The following PKD1 variants were observed in gnomAD, a reference collection of about 807,000 sequenced individuals.
PKD1 encodes the protein polycystin-1.
PKD1 carries 81 observed loss-of-function variants against 361.7 expected under a neutral mutation model. The ratio of observed to expected loss-of-function variants is 0.22; its 90% confidence interval spans 0.19 to 0.27. PKD1 has a LOEUF of 0.27. Among genes scored for constraint, PKD1 ranks in the 10% least tolerant of loss-of-function variants. The pLI is 1.00. For missense variants in PKD1, 6,399 were observed against 6,118.3 expected (o/e 1.05, Z -1.53); for synonymous variants, 3,615 against 2,818.3 (o/e 1.28, Z -8.95).
At chr16:2,092,792 G>T in intron 38 of PKD1, 162 bp downstream of exon 38, 1 of 917,080 alleles carries the variant, frequency 1.1e-6, no homozygotes, top group Non-Finnish European at 1.8e-6. Context: ...GCAAGACACG[G>T]ACCTGTGTCC....
Position 2,091,173 on chromosome 16 carries a change from A to G in PKD1, c.11714T>C (p.Val3905Ala). 1.4e-6 allele frequency: 2 copies of G among 1,417,952 alleles called. No homozygotes were observed. Among genetic ancestry groups the G allele is most frequent in the South Asian group, 1.4e-5 (1 of 71,238 alleles). The allele number at this position is 1,417,952 out of a possible 1,614,324, so 87.8% of individuals were successfully genotyped here. A position where few individuals can be genotyped will look rare whatever the true frequency, so the allele number is the denominator to read the frequency against. Residue 3905 changes from valine (V) to alanine (A), a missense_variant and splice_region_variant, in exon 43 of 46, where the codon GTG (valine) becomes GCG (alanine). Transcript: ENST00000262304. ...GTGCACGGCGAACAGCAGCAGGCAC[A>G]CCTGTGGGGGGCGCGGTCAGGAGGG... ...AGLSLPLLTS[V>A]CLLLFAVHFA...
At chr16:2,092,017 G>C (rs770380793) in intron 40 of PKD1, 30 bp downstream of exon 40, 2 of 1,612,442 alleles carry the variant, frequency 1.2e-6, no homozygotes, top group Admixed American at 1.7e-5. Context: ...TGTCCTTGGC[G>C]TAGACGCCCG....
intron 15 of PKD1, 38 bp from the exon 16 acceptor site, chr16:2,108,070 C>G (rs1300585381): frequency 1.5e-5 from 24 of 1,585,850 alleles, no homozygotes; most frequent in Non-Finnish European, 2.0e-5. Flanking sequence ...GGCCTGAGAG[C>G]CCCATCCAGT....
Position 2,102,920 on chromosome 16 carries a change from A to C in PKD1, c.8842T>G (p.Ser2948Ala), listed in dbSNP as rs1171728864. 1.6e-5 allele frequency: 25 copies of C among 1,609,224 alleles called. No individual in the cohort carries two copies. The highest frequency in any genetic ancestry group is 2.1e-5 in the Non-Finnish European group (25 of 1,179,734). Residue 2948 changes from serine (S) to alanine (A), a missense_variant, in exon 24 of 46, where the codon TCG becomes GCG. Ser to Ala is a moderately conservative substitution (Grantham distance 99). Coordinates refer to ENST00000262304, the MANE Select transcript of PKD1 (RefSeq NM_001009944.3). Reference sequence around the variant, plus strand: ...TTGTGCTCATTGGGCCGGGGCTCCGAGTGTAGGTAGACTGCCAGGTAGGGC... The same window carrying C: ...TTGTGCTCATTGGGCCGGGGCTCCGCGTGTAGGTAGACTGCCAGGTAGGGC... ...PEPYLAVYLH[S>A]EPRPNEHNCS...
At chr16:2,116,308 C>G (rs995891525) in intron 8 of PKD1, 190 bp from the exon 9 acceptor site, 1 of 697,220 alleles carries the variant, frequency 1.4e-6, no homozygotes, top group Non-Finnish European at 2.5e-6. Context: ...GACCCCTGAC[C>G]TGCCTTTCAG....
In PKD1 at chr16:2,091,162, G is replaced by A. The variant is rs775092717; in HGVS notation, c.11725C>T (p.Leu3909=). 1.0e-5 allele frequency: 15 copies of A among 1,466,830 alleles called. No homozygotes were observed. The highest frequency in any genetic ancestry group is 2.9e-5 in the East Asian group (1 of 34,456). The allele number at this position is 1,466,830 out of a possible 1,614,324, so 90.9% of individuals were successfully genotyped here. The change falls in exon 43 of 46, where the codon CTG becomes TTG. Residue 3909 remains leucine (L), a synonymous_variant. Transcript: ENST00000262304. Reference sequence around the variant, plus strand: ...GCCACGGCGAAGTGCACGGCGAACAGCAGCAGGCACACCTGTGGGGGGCGC... The same window carrying A: ...GCCACGGCGAAGTGCACGGCGAACAACAGCAGGCACACCTGTGGGGGGCGC... ...LPLLTSVCLL[L]FAVHFAVAEA...
chr16:2,116,122 G>C lies in PKD1; in HGVS notation c.1723-4C>G, dbSNP rs973160933. The C allele has an allele frequency of 5.8e-6, 9 of 1,559,244 alleles. No homozygotes were observed. In the African/African-American group the frequency reaches 1.1e-4, roughly 19 times the overall value. On this transcript the variant is annotated splice_region_variant and splice_polypyrimidine_tract_variant and intron_variant, in intron 8 of 45. Transcript: ENST00000262304. ...GCAGGCCCGGGAATACCATGACCTG[G>C]TGGGCAGGGGGCCGCCTCAGCTCCA...
At position 2,108,920 on chromosome 16, in the gene PKD1, T is replaced by C. The variant is rs1457451281; in HGVS notation, c.6247A>G (p.Thr2083Ala). 1.9e-6 allele frequency: 3 copies of C among 1,592,404 alleles called. No homozygotes were observed. Among genetic ancestry groups the C allele is most frequent in the Non-Finnish European group, 2.6e-6 (3 of 1,171,394 alleles). ...GCCACACGCCGGGGGCTGGGGCTGG[T>C]GGCGGCCTCAAACTGCGCCGAGCGG... is the stretch of plus-strand genomic sequence containing the variant. Reference protein sequence around the residue: ...TNRSAQFEAATSPSPRRVAYH... With the variant: ...TNRSAQFEAAASPSPRRVAYH... The change falls in exon 15 of 46, where the codon ACC becomes GCC. Residue 2083 changes from threonine to alanine, a missense_variant. By Grantham distance (58) the Thr-to-Ala change is moderately conservative. Transcript: ENST00000262304.
In PKD1 at chr16:2,116,585, G is replaced by A. The variant is rs377213200; in HGVS notation, c.1666C>T (p.Pro556Ser). ...VGAPSGDLQG[P>S]LTPLAQQDGL... ...TCCTGCTGTGCCAGAGGCGTCAGGG[G>A]TCCCTGCAGGTCCCCACTGGGCGCT... is the stretch of plus-strand genomic sequence containing the variant. The change falls in exon 8 of 46, where the codon CCC (proline) becomes TCC (serine). Residue 556 changes from proline (P) to serine (S), a missense_variant. Transcript: ENST00000262304. The A allele has an allele frequency of 7.0e-6, 11 of 1,568,848 alleles. No homozygotes were observed. In the African/African-American group the frequency reaches 1.4e-4, roughly 19 times the overall value.
chr16:2,123,544 G>A (rs2151836081), intron 1 of PKD1: 1 of 456,052 alleles, frequency 2.2e-6, no homozygotes, highest in Non-Finnish European at 4.4e-6. Flanking sequence ...GCCTAGCCAG[G>A]CAGCCTCGCG....
Position 2,107,956 on chromosome 16 carries a change from G to A in PKD1, c.6992C>T (p.Ala2331Val), listed in dbSNP as rs765743518. 128 of 1,546,028 alleles carry A rather than the reference G, an allele frequency of 8.3e-5. No individual in the cohort carries two copies. The highest frequency in any genetic ancestry group is 1.9e-4 in the African/African-American group (14 of 72,968). ...STVTIPRERL[A>V]AGVEYTFSLT... ...GCTGAAGGTGTACTCCACGCCAGCC[G>A]CCAGCCGCTCCCGTGGAATGGTGAC... Residue 2331 changes from alanine to valine, a missense_variant, in exon 16 of 46, where the codon GCG (alanine) becomes GTG (valine). Ala to Val is a moderately conservative substitution (Grantham distance 64, BLOSUM62 0). Transcript: ENST00000262304.
At chr16:2,094,319 T>C in intron 34 of PKD1, 109 bp from the exon 35 acceptor site, 1 of 740,286 alleles carries the variant, frequency 1.4e-6, no homozygotes, top group East Asian at 2.6e-5. Context: ...GGTCACAGGG[T>C]CCCCCCGACA....
rs1325677589 is a variant in PKD1 at position 2,118,917 on chromosome 16, C to G, written c.360-72G>C. On this transcript the variant is annotated intron_variant, in intron 3 of 45. Coordinates refer to ENST00000262304, the MANE Select transcript of PKD1 (RefSeq NM_001009944.3). This position sits in a 1 kb window ranked among gnomAD's most constrained non-coding sequence, Gnocchi z 6.0. ...TCTATGCCAGCCCCCCACTGGCAAC[C>G]AGGCCCTGGAGCCACCCTGACAGCA... The G allele has an allele frequency of 7.1e-6, 5 of 706,312 alleles. No individual in the cohort carries two copies. In the African/African-American group the frequency reaches 8.9e-5, roughly 13 times the overall value. 43.8% of individuals were successfully genotyped at this position (706,312 alleles called of 1,614,324 possible). A position where few individuals can be genotyped will look rare whatever the true frequency, so the allele number is the denominator to read the frequency against.
Position 2,090,750 on chromosome 16 carries a change from C to T in PKD1, c.12062G>A (p.Arg4021Gln), listed in dbSNP as rs1487111123. The T allele has an allele frequency of 2.5e-6, 4 of 1,612,644 alleles. No homozygotes were observed. Among genetic ancestry groups the T allele is most frequent in the Non-Finnish European group, 3.4e-6 (4 of 1,179,958 alleles). The change falls in exon 44 of 46, where the codon CGA (arginine) becomes CAA (glutamine). Residue 4021 changes from arginine (R) to glutamine (Q), a missense_variant. Physicochemically the swap from Arg to Gln is conservative, Grantham distance 43 (BLOSUM62 1). Coordinates refer to ENST00000262304, the MANE Select transcript of PKD1 (RefSeq NM_001009944.3). ...QWSVFGKTLC[R>Q]ALPELLGVTL... ...GACCCCCAGGAGCTCTGGCAGAGCT[C>T]GGCATAATGTCTTGCCAAAGACGGA...
At position 2,099,301 on chromosome 16, in the gene PKD1, T is replaced by C. The variant is rs1182912265; in HGVS notation, c.10050+343A>G. On this transcript the variant is annotated intron_variant, in intron 30 of 45. Coordinates refer to ENST00000262304, the MANE Select transcript of PKD1 (RefSeq NM_001009944.3). ...TTTCTAAGGGACTAACTCAGCCTCTTCACTTCCTATAGATGTACTGAGATT... is the reference window on the plus strand; with the variant it reads ...TTTCTAAGGGACTAACTCAGCCTCTCCACTTCCTATAGATGTACTGAGATT... 1.3e-4 allele frequency: 49 copies of C among 373,858 alleles called. No individual in the cohort carries two copies. The East Asian group carries it at 3.3e-3, about 25-fold the overall frequency. 23.2% of individuals were successfully genotyped at this position (373,858 alleles called of 1,614,324 possible). A position where few individuals can be genotyped will look rare whatever the true frequency, so the allele number is the denominator to read the frequency against.
chr16:2,088,887 AC>A lies in PKD1; in HGVS notation c.*839del, dbSNP rs200372958. 9.6e-3 allele frequency: 3,700 copies of A among 387,146 alleles called. 135 individuals carry two copies. Among genetic ancestry groups the A allele is most frequent in the African/African-American group, 0.067 (3,284 of 48,836 alleles). The allele number at this position is 387,146 out of a possible 1,614,324, so 24.0% of individuals were successfully genotyped here. A position where few individuals can be genotyped will look rare whatever the true frequency, so the allele number is the denominator to read the frequency against. The stretch of plus-strand genomic sequence containing the variant: ...CACTCGCGCGTGCGCGCGCGCACAC[AC>A]ACACACACACAGTCACCTTCCTCCA... On this transcript the variant is annotated 3_prime_UTR_variant, in exon 46 of 46. Transcript: ENST00000262304.
At chr16:2,125,402 G>T (rs886303485) in intron 1 of PKD1, among the ~76,000 whole-genome samples, 1 of 152,148 alleles carries the variant, frequency 6.6e-6, no homozygotes, top group African/African-American at 2.4e-5. Flanking sequence ...CCAGACACGG[G>T]GTGTGAGACT....
rs1437932570 is a variant in PKD1 at position 2,092,524 on chromosome 16, G to C, written c.11225C>G (p.Pro3742Arg). 5 of 1,612,566 alleles carry C rather than the reference G, an allele frequency of 3.1e-6. No homozygotes were observed. The change falls in exon 39 of 46, where the codon CCA (proline) becomes CGA (arginine). Residue 3742 changes from proline (P) to arginine (R), a missense_variant. Pro to Arg is a moderately radical substitution (Grantham distance 103). Coordinates refer to ENST00000262304, the MANE Select transcript of PKD1 (RefSeq NM_001009944.3). Reference sequence around the variant, plus strand: ...CCGCAGCCGTGGGGGCCCCAGCTCTGGGCTGGACTGGTTCCCGTGGACGTA... The same window carrying C: ...CCGCAGCCGTGGGGGCCCCAGCTCTCGGCTGGACTGGTTCCCGTGGACGTA... ...LPYVHGNQSS[P>R]ELGPPRLRQV...
Position 2,093,037 on chromosome 16 carries a change from A to G in PKD1, c.11073T>C (p.Asp3691=), listed in dbSNP as rs769762744. 2.5e-6 allele frequency: 4 copies of G among 1,612,918 alleles called. No individual in the cohort carries two copies. Among genetic ancestry groups the G allele is most frequent in the Non-Finnish European group, 3.4e-6 (4 of 1,179,976 alleles). The change falls in exon 38 of 46, where the codon GAT becomes GAC. Residue 3691 remains aspartate (D), a synonymous_variant. Coordinates refer to ENST00000262304, the MANE Select transcript of PKD1 (RefSeq NM_001009944.3). ...LLVTLLASYG[D]ASCHGHAYRL... ...GGTAGGCGTGCCCATGGCATGAGGC[A>G]TCCCCATAGCTGGCCAGCAGGGTCA... is the stretch of plus-strand genomic sequence containing the variant.
Sources: gnomAD v4.1 joint callset for allele counts (sites outside exome capture counted in the v4.1 genomes callset) on GRCh38, gnomAD v4.1.1 for gene constraint, Gnocchi (gnomAD v3.1) non-coding constraint, MANE v1.5 for transcripts, NCBI Gene and HGNC (gene_info 2026-07-23, HGNC 2026-07-21) for gene names.